MAGI1: variants seen among roughly 807,000 people sequenced by gnomAD.
MAGI1 encodes the protein membrane-associated guanylate kinase, WW and PDZ domain-containing protein 1.
Under a neutral mutation model 139.9 loss-of-function variants are expected in MAGI1, and 58 were observed. That is an observed-to-expected ratio of 0.41 (90% CI 0.34 to 0.52). The LOEUF (loss-of-function observed/expected upper bound fraction) is 0.52. Among genes scored for constraint, MAGI1 ranks in the 20% least tolerant of loss-of-function variants. The pLI is 0.12. For missense variants in MAGI1, 1,874 were observed against 1,901.6 expected, an observed-to-expected ratio of 0.99 and a Z score of 0.27; for synonymous variants, 812 against 737.9, an observed-to-expected ratio of 1.10 and a Z score of -1.63.
chr3:65,541,571 C>T (rs576718080), intron 2 of MAGI1, among the ~76,000 whole-genome samples: 30 of 152,264 alleles, frequency 2.0e-4, no homozygotes, highest in African/African-American at 7.0e-4. Context: ...GCTTATCCAC[C>T]ACTATCAAGT....
chr3:65,576,425 C>T (rs2108096400), intron 2 of MAGI1, among the ~76,000 whole-genome samples: 1 of 152,286 alleles, frequency 6.6e-6, no homozygotes, highest in East Asian at 1.9e-4. Context: ...CTCTTCCTCT[C>T]TGAGCCTGAA....
chr3:65,414,061 G>A (rs1056914773), intron 12 of MAGI1, among the ~76,000 whole-genome samples: 1 of 152,128 alleles, frequency 6.6e-6, no homozygotes, highest in African/African-American at 2.4e-5. Flanking sequence ...GTCTGATTCT[G>A]GCTATTTCCT....
intron 2 of MAGI1, among the ~76,000 whole-genome samples, chr3:65,537,718 G>A (rs971036520): frequency 8.5e-5 from 13 of 152,144 alleles, no homozygotes; most frequent in Non-Finnish European, 1.8e-4. Context: ...TTTTTTAAGT[G>A]AATGCAAAGG....
At chr3:65,401,822 G>C in intron 12 of MAGI1, 1 of 1,293,000 alleles carries the variant, frequency 7.7e-7, no homozygotes, top group South Asian at 1.5e-5. Flanking sequence ...TTACAATTAA[G>C]TCCAGGTTAT....
At chr3:65,655,768 T>A (rs2085840042) in intron 1 of MAGI1, among the ~76,000 whole-genome samples, 1 of 152,192 alleles carries the variant, frequency 6.6e-6, no homozygotes, top group Non-Finnish European at 1.5e-5. Context: ...AGAAATTGGA[T>A]TTGAACTTGA....
intron 1 of MAGI1, among the ~76,000 whole-genome samples, chr3:65,957,581 A>G (rs1433912205): frequency 2.0e-5 from 3 of 151,920 alleles, no homozygotes; most frequent in Non-Finnish European, 4.4e-5. Context: ...TGCGACATGG[A>G]CAAATCTCAA....
At chr3:65,470,671 T>C (rs183591417) in intron 4 of MAGI1, among the ~76,000 whole-genome samples, 187 bp from the exon 5 acceptor site, 174 of 152,302 alleles carry the variant, frequency 1.1e-3, no homozygotes, top group South Asian at 2.3e-3. Flanking sequence ...GTGCCTTAAT[T>C]AGAAAGCATC....
chr3:65,806,654 A>C (rs1195283259), intron 1 of MAGI1, among the ~76,000 whole-genome samples: 2 of 152,194 alleles, frequency 1.3e-5, no homozygotes, highest in Non-Finnish European at 2.9e-5. Context: ...AAACTCCTTT[A>C]AATTTAATTC....
intron 1 of MAGI1, among the ~76,000 whole-genome samples, chr3:65,663,462 A>G (rs896285552): frequency 1.3e-5 from 2 of 152,350 alleles, no homozygotes; most frequent in Middle Eastern, 6.8e-3. Flanking sequence ...CACAATTAAC[A>G]TCTTAAAAAT....
intron 1 of MAGI1, among the ~76,000 whole-genome samples, chr3:65,918,378 C>A (rs1406496636): frequency 1.0e-4 from 8 of 76,506 alleles, no homozygotes; most frequent in Non-Finnish European, 1.6e-4. Flanking sequence ...TGCTCCAAAA[C>A]ATTTTTTTTT....
intron 1 of MAGI1, among the ~76,000 whole-genome samples, chr3:65,938,529 T>A (rs541488404): frequency 6.6e-6 from 1 of 151,890 alleles, no homozygotes; most frequent in Non-Finnish European, 1.5e-5. Context: ...ATAAGGACAT[T>A]GTTAAAAATG....
chr3:65,916,925 A>C (rs931135006), intron 1 of MAGI1, among the ~76,000 whole-genome samples: 4 of 152,200 alleles, frequency 2.6e-5, no homozygotes, highest in Non-Finnish European at 5.9e-5. Context: ...AAAATCTTGG[A>C]TAATCATACA....
At position 65,429,511 on chromosome 3, in the gene MAGI1, C is replaced by G. The variant is rs778269210; in HGVS notation, c.2167+9G>C. 2 of 1,588,046 alleles carry G rather than the reference C, an allele frequency of 1.3e-6. No homozygotes were observed. Among genetic ancestry groups the G allele is most frequent in the South Asian group, 2.3e-5 (2 of 87,892 alleles). ...AAAAAAATTCAAAGAACAAAACAAC[C>G]CTACTTACCTCCTCGTTGCACCAAC... is the stretch of plus-strand genomic sequence containing the variant. On this transcript the variant is annotated intron_variant, in intron 12 of 22. Coordinates refer to ENST00000402939, the MANE Select transcript of MAGI1 (RefSeq NM_001033057.2).
intron 3 of MAGI1, among the ~76,000 whole-genome samples, chr3:65,483,412 G>C (rs1478032094): frequency 2.6e-5 from 4 of 152,178 alleles, no homozygotes; most frequent in Non-Finnish European, 5.9e-5. Context: ...GCAATGGTTT[G>C]CACTCTCATC....
intron 1 of MAGI1, among the ~76,000 whole-genome samples, chr3:65,833,989 T>C (rs1237918981): frequency 3.9e-5 from 6 of 152,196 alleles, no homozygotes; most frequent in Admixed American, 2.0e-4. Flanking sequence ...TACAGTCCAT[T>C]TGCAAATTCT....
intron 1 of MAGI1, among the ~76,000 whole-genome samples, chr3:65,798,304 A>AAAAC (rs549833908): frequency 2.0e-3 from 298 of 151,446 alleles, no homozygotes; most frequent in Middle Eastern, 3.4e-3. Flanking sequence ...ACTCCATCTC[A>AAAAC]AAACAAACAA....
At chr3:65,716,430 T>C (rs570506363) in intron 1 of MAGI1, among the ~76,000 whole-genome samples, 17 of 152,334 alleles carry the variant, frequency 1.1e-4, no homozygotes, top group Non-Finnish European at 2.5e-4. Context: ...ATCAGTCACT[T>C]ACCTCGATGT....
At chr3:65,764,324 T>A (rs906800492) in intron 1 of MAGI1, among the ~76,000 whole-genome samples, 1 of 152,130 alleles carries the variant, frequency 6.6e-6, no homozygotes, top group East Asian at 1.9e-4. Flanking sequence ...ATATTACTTA[T>A]GGTTGTGATT....
At chr3:65,872,656 C>T (rs2059978116) in intron 1 of MAGI1, among the ~76,000 whole-genome samples, 2 of 152,170 alleles carry the variant, frequency 1.3e-5, no homozygotes, top group South Asian at 4.1e-4. Context: ...CCCCAAACTA[C>T]AAGCTACCCA....
Sources: gnomAD v4.1 joint callset for allele counts (sites outside exome capture counted in the v4.1 genomes callset) on GRCh38, gnomAD v4.1.1 for gene constraint, MANE v1.5 for transcripts, NCBI Gene and HGNC (gene_info 2026-07-23, HGNC 2026-07-21) for gene names.